PLCG1: variants seen among roughly 807,000 people sequenced by gnomAD.
PLCG1 encodes 1-phosphatidylinositol 4,5-bisphosphate phosphodiesterase gamma-1.
Under a neutral mutation model 177.8 loss-of-function variants are expected in PLCG1, and 71 were observed. The ratio of observed to expected loss-of-function variants is 0.40; its 90% CI spans 0.33 to 0.49. The LOEUF is 0.49. Among genes scored for constraint, PLCG1 ranks in the 20% least tolerant of loss-of-function variants. The pLI, the probability that PLCG1 is intolerant of heterozygous loss-of-function variation, is 0.72. For missense variants in PLCG1, 1,281 were observed against 1,709.0 expected, an observed-to-expected ratio of 0.75 and a Z score of 4.42; for synonymous variants, 658 against 647.9, an observed-to-expected ratio of 1.02 and a Z score of -0.24.
In PLCG1 at chr20:41,174,357, G is replaced by C; in HGVS notation, c.3833+46G>C. The C allele has an allele frequency of 1.2e-6, 2 of 1,603,254 alleles. No individual in the cohort carries two copies. The highest frequency in any genetic ancestry group is 2.2e-5 in the South Asian group (2 of 90,866). On this transcript the variant is annotated intron_variant, in intron 31 of 31. Coordinates refer to ENST00000685551, the MANE Select transcript of PLCG1 (RefSeq NM_002660.3). This position sits in a 1 kb window ranked among gnomAD's most constrained non-coding sequence, Gnocchi z 5.8. ...CTAGAGCCAGGAAGGCAGTGGCTAG[G>C]TCCTCCTTCTTCAGTGTTTCTTTCT...
chr20:41,145,214 C>G (rs2146002711), intron 1 of PLCG1, among the ~76,000 whole-genome samples: 1 of 152,262 alleles, frequency 6.6e-6, no homozygotes, highest in South Asian at 2.1e-4. Flanking sequence ...ACACCACCGT[C>G]CCTGGAGAGT....
chr20:41,164,564 A>G lies in PLCG1; in HGVS notation c.1217+363A>G, dbSNP rs986056972. On this transcript the variant is annotated intron_variant, in intron 12 of 31. Coordinates refer to ENST00000685551, the MANE Select transcript of PLCG1 (RefSeq NM_002660.3). The surrounding 1 kb of genome is among the most constrained non-coding windows in gnomAD (Gnocchi z 6.4). ...CTGTTCCCTGTGTCCCATTCCTTCA[A>G]TTCTGTTTACTGCTTAAACTGTGGT... Among the ~76,000 whole-genome samples, 1 of 152,042 alleles carries G rather than the reference A, an allele frequency of 6.6e-6. No individual in the cohort carries two copies. Among genetic ancestry groups the G allele is most frequent in the South Asian group, 2.1e-4 (1 of 4,826 alleles).
At chr20:41,149,903 T>G (rs529355923) in intron 1 of PLCG1, among the ~76,000 whole-genome samples, 14 of 152,234 alleles carry the variant, frequency 9.2e-5, no homozygotes, top group Middle Eastern at 6.8e-3. Context: ...CATAGATAAG[T>G]GATTTATGGG....
At chr20:41,152,832 C>T (rs922108787) in intron 1 of PLCG1, among the ~76,000 whole-genome samples, 14 of 152,250 alleles carry the variant, frequency 9.2e-5, no homozygotes, top group African/African-American at 2.9e-4. Context: ...GGAGGGGGCA[C>T]CTAGTGTGCC....
chr20:41,175,773 A>G lies in PLCG1; in HGVS notation c.*1264A>G, dbSNP rs538373964. 1 of 152,782 alleles carries G rather than the reference A, an allele frequency of 6.5e-6. No homozygotes were observed. The highest frequency in any genetic ancestry group is 2.1e-4 in the South Asian group (1 of 4,822). 9.5% of individuals were successfully genotyped at this position (152,782 alleles called of 1,614,324 possible). ...CTCAGGAAAGCCTGTTGCATGGGAC[A>G]TGCTCACTAGAAACAGTCGCCAGAT... is the stretch of plus-strand genomic sequence containing the variant. On this transcript the variant is annotated 3_prime_UTR_variant, in exon 32 of 32. Coordinates refer to ENST00000685551, the MANE Select transcript of PLCG1 (RefSeq NM_002660.3).
chr20:41,165,532 A>G lies in PLCG1; in HGVS notation c.1592A>G (p.Asp531Gly), dbSNP rs1195922026. 1.9e-6 allele frequency: 3 copies of G among 1,613,966 alleles called. No homozygotes were observed. The highest frequency in any genetic ancestry group is 1.7e-6 in the Non-Finnish European group (2 of 1,179,892). The part of the protein sequence containing the change: ...EETSSDQGNE[D>G]EEEPKEVSSS... ...ACCAGCAGTGACCAGGGCAACGAGG[A>G]TGAGGAGGAGCCCAAGGAGGTGAGG... The change falls in exon 15 of 32, where the codon GAT becomes GGT. Residue 531 changes from aspartate to glycine, a missense_variant. Asp to Gly is a moderately conservative substitution (Grantham distance 94). This residue lies in a region of PLCG1 where 723 missense variants were observed against 1,030.0 expected (regional missense o/e 0.70). Coordinates refer to ENST00000685551, the MANE Select transcript of PLCG1 (RefSeq NM_002660.3). The surrounding 1 kb of genome is among the most constrained non-coding windows in gnomAD (Gnocchi z 6.6).
At position 41,170,260 on chromosome 20, in the gene PLCG1, A is replaced by C. The variant is rs201119264; in HGVS notation, c.2799A>C (p.Ala933=). The C allele has an allele frequency of 3.4e-5, 55 of 1,613,972 alleles. No individual in the cohort carries two copies. The highest frequency in any genetic ancestry group is 5.9e-6 in the Non-Finnish European group (7 of 1,180,004). Residue 933 remains alanine (A), a synonymous_variant, in exon 24 of 32, where the codon GCA becomes GCC. Coordinates refer to ENST00000685551, the MANE Select transcript of PLCG1 (RefSeq NM_002660.3). ...AGATCCGTGAAGTGGCCCAGACAGC[A>C]GACGCCAGGGTGAGATTCTGCTGGA... The part of the protein sequence containing the change: ...VKKIREVAQT[A]DARLTEGKIM...
chr20:41,160,883 G>C lies in PLCG1; in HGVS notation c.512+730G>C, dbSNP rs1009524856. Among the ~76,000 whole-genome samples the C allele has an allele frequency of 2.0e-5, 3 of 152,206 alleles. No homozygotes were observed. Among genetic ancestry groups the C allele is most frequent in the African/African-American group, 7.2e-5 (3 of 41,444 alleles). On this transcript the variant is annotated intron_variant, in intron 4 of 31. Coordinates refer to ENST00000685551, the MANE Select transcript of PLCG1 (RefSeq NM_002660.3). The surrounding 1 kb of genome is among the most constrained non-coding windows in gnomAD (Gnocchi z 5.5). ...GGAAAACAGAGTCACCATTGACTGA[G>C]ATGAGAAGATCATGGGACTAGCCCA...
intron 20 of PLCG1, among the ~76,000 whole-genome samples, 193 bp from the exon 21 acceptor site, chr20:41,168,574 A>C (rs542740396): frequency 6.6e-6 from 1 of 152,212 alleles, no homozygotes; most frequent in Non-Finnish European, 1.5e-5. Flanking sequence ...CTCTCTGATC[A>C]TATCTGTCCT....
rs1211291749 is a variant in PLCG1, at chr20:41,164,039, T to C, written c.1096+33T>C. ...GGGTCCAGGGCTGGGGGAGGGAAGA[T>C]GGGAGGCCTGCCCGCTTGACCATGG... On this transcript the variant is annotated intron_variant, in intron 11 of 31. Coordinates refer to ENST00000685551, the MANE Select transcript of PLCG1 (RefSeq NM_002660.3). This position sits in a 1 kb window ranked among gnomAD's most constrained non-coding sequence, Gnocchi z 6.4. 2 of 1,614,096 alleles carry C rather than the reference T, an allele frequency of 1.2e-6. No homozygotes were observed. The highest frequency in any genetic ancestry group is 1.1e-5 in the South Asian group (1 of 91,074).
At position 41,163,124 on chromosome 20, in the gene PLCG1, T is replaced by A; in HGVS notation, c.717-79T>A. The A allele has an allele frequency of 6.7e-7, 1 of 1,496,042 alleles. No individual in the cohort carries two copies. Among genetic ancestry groups the A allele is most frequent in the Non-Finnish European group, 9.2e-7 (1 of 1,083,042 alleles). The allele number at this position is 1,496,042 out of a possible 1,614,324, so 92.7% of individuals were successfully genotyped here. On this transcript the variant is annotated intron_variant, in intron 7 of 31. Transcript: ENST00000685551. This position sits in a 1 kb window ranked among gnomAD's most constrained non-coding sequence, Gnocchi z 5.2. ...GACCATTCTGGGAAGCTGTGCTGGC[T>A]GGGAGTTGGGTTCTGCCTTCCGTGG...
rs2035737961 is a variant in PLCG1 at position 41,167,457 on chromosome 20, G to A, written c.2302-395G>A. Reference sequence around the variant, plus strand: ...CCTGGGACTCAAGTGATGGAGAGGAGCGGCAGGAGGAATGTGGGGAGTGGG... The same window carrying A: ...CCTGGGACTCAAGTGATGGAGAGGAACGGCAGGAGGAATGTGGGGAGTGGG... On this transcript the variant is annotated intron_variant, in intron 19 of 31. Transcript: ENST00000685551. This position sits in a 1 kb window ranked among gnomAD's most constrained non-coding sequence, Gnocchi z 4.4. Among the ~76,000 whole-genome samples the A allele has an allele frequency of 6.6e-6, 1 of 152,136 alleles. No individual in the cohort carries two copies. The highest frequency in any genetic ancestry group is 1.5e-5 in the Non-Finnish European group (1 of 68,018).
chr20:41,173,879 C>CGG lies in PLCG1; in HGVS notation c.3557-44_3557-43insGG. On this transcript the variant is annotated intron_variant, in intron 29 of 31. Transcript: ENST00000685551. The surrounding 1 kb of genome is among the most constrained non-coding windows in gnomAD (Gnocchi z 6.2). ...TGGCAGGGTGGGGCTGGGCCCCTTG[C>CGG]TCTGTCCCTCGTGGGCTGAGGGCCA... The CGG allele has an allele frequency of 1.9e-6, 3 of 1,610,876 alleles. No individual in the cohort carries two copies. Among genetic ancestry groups the CGG allele is most frequent in the Non-Finnish European group, 2.5e-6 (3 of 1,177,274 alleles).
At chr20:41,140,958 T>TC (rs1002818749) in intron 1 of PLCG1, among the ~76,000 whole-genome samples, 5 of 152,178 alleles carry the variant, frequency 3.3e-5, no homozygotes, top group Non-Finnish European at 5.9e-5. Context: ...AAGCCCATGT[T>TC]CCCTGTGGTC....
At position 41,174,091 on chromosome 20, in the gene PLCG1, A is replaced by G. The variant is rs1279900782; in HGVS notation, c.3646-33A>G. ...CAGCCTCTAGAAGTGCAGAGGAGTC[A>G]TTGACCCTCTTGTGCACCTGGCTTC... On this transcript the variant is annotated intron_variant, in intron 30 of 31. Transcript: ENST00000685551. This position sits in a 1 kb window ranked among gnomAD's most constrained non-coding sequence, Gnocchi z 5.8. The G allele has an allele frequency of 1.2e-6, 2 of 1,612,024 alleles. No homozygotes were observed. The highest frequency in any genetic ancestry group is 2.2e-5 in the South Asian group (2 of 91,020).
intron 21 of PLCG1, 40 bp from the exon 22 acceptor site, chr20:41,169,039 G>A (rs375068631): frequency 1.3e-5 from 20 of 1,490,812 alleles, no homozygotes; most frequent in Middle Eastern, 1.7e-4. Flanking sequence ...ATGGGAGTTC[G>A]GGGTGGTTGC....
chr20:41,144,916 G>C lies in PLCG1; in HGVS notation c.217+7058G>C, dbSNP rs2034950833. ...CCTCAGTGGCTCATTGAATAAGTGA[G>C]AGACGACTTGTGCTTCCCTGGCTTT... On this transcript the variant is annotated intron_variant, in intron 1 of 31. Coordinates refer to ENST00000685551, the MANE Select transcript of PLCG1 (RefSeq NM_002660.3). The surrounding 1 kb of genome is among the most constrained non-coding windows in gnomAD (Gnocchi z 4.1). Among the ~76,000 whole-genome samples, 1 of 151,972 alleles carries C rather than the reference G, an allele frequency of 6.6e-6. No homozygotes were observed. The highest frequency in any genetic ancestry group is 1.5e-5 in the Non-Finnish European group (1 of 68,036).
rs950450075 is a variant in PLCG1 at position 41,166,149 on chromosome 20, C to A, written c.1800-45C>A. 2 of 1,557,974 alleles carry A rather than the reference C, an allele frequency of 1.3e-6. No individual in the cohort carries two copies. Among genetic ancestry groups the A allele is most frequent in the East Asian group, 4.5e-5 (2 of 44,640 alleles). On this transcript the variant is annotated intron_variant, in intron 16 of 31. Coordinates refer to ENST00000685551, the MANE Select transcript of PLCG1 (RefSeq NM_002660.3). This position sits in a 1 kb window ranked among gnomAD's most constrained non-coding sequence, Gnocchi z 8.6. ...TGGGGTGGAACTTGGTCTTTGGGGCCCTGGCCTGTTTTCCCCAGCCTCCCT... is the reference window on the plus strand; with the variant it reads ...TGGGGTGGAACTTGGTCTTTGGGGCACTGGCCTGTTTTCCCCAGCCTCCCT...
chr20:41,143,067 C>T (rs2034881597), intron 1 of PLCG1, among the ~76,000 whole-genome samples: 1 of 152,182 alleles, frequency 6.6e-6, no homozygotes, highest in Non-Finnish European at 1.5e-5. Context: ...TGCAGGGAGA[C>T]AGGGCAGTTG....
Sources: gnomAD v4.1 joint callset for allele counts (sites outside exome capture counted in the v4.1 genomes callset) on GRCh38, gnomAD v4.1.1 for gene constraint, gnomAD v4.1.1 regional missense constraint, Gnocchi (gnomAD v3.1) non-coding constraint, MANE v1.5 for transcripts, NCBI Gene and HGNC (gene_info 2026-07-23, HGNC 2026-07-21) for gene names.